RANBP2: variants seen among roughly 807,000 people sequenced by gnomAD.
RANBP2 encodes the protein E3 SUMO-protein ligase RanBP2.
Under a neutral mutation model 303.6 loss-of-function variants are expected in RANBP2, and 57 were observed. The observed-to-expected ratio is 0.19, with a 90% confidence interval of 0.15 to 0.23. The LOEUF (loss-of-function observed/expected upper bound fraction) is 0.23. RANBP2 is among the 10% of genes least tolerant of loss of function. The probability of loss-of-function intolerance (pLI) is 1.00; values close to 1 mark genes in which losing one functional copy is unlikely to be tolerated. For missense variants in RANBP2, 3,138 were observed against 3,780.8 expected, an observed-to-expected ratio of 0.83 and a Z score of 4.46; for synonymous variants, 1,167 against 1,301.5, an observed-to-expected ratio of 0.90 and a Z score of 2.23.
At chr2:109,624,863 C>G in the RANBP2 span, among the ~76,000 whole-genome samples, 1 of 151,782 alleles carries the variant, frequency 6.6e-6, no homozygotes, top group Non-Finnish European at 1.5e-5. Context: ...GGCAGATCAC[C>G]TGAGGTCAGG....
the RANBP2 span, among the ~76,000 whole-genome samples, chr2:109,240,066 T>C: frequency 6.6e-6 from 1 of 152,210 alleles, no homozygotes; most frequent in Non-Finnish European, 1.5e-5. Flanking sequence ...CTTCTCTGTT[T>C]TCTTATGTGA....
At chr2:109,467,951 C>G in the RANBP2 span, among the ~76,000 whole-genome samples, 2 of 152,232 alleles carry the variant, frequency 1.3e-5, no homozygotes, top group Admixed American at 6.5e-5. Context: ...CACCTCCATG[C>G]GGGCTGCTGG....
chr2:108,763,170 G>T, intron 19 of RANBP2, 67 bp from the exon 20 acceptor site: 3 of 1,518,614 alleles, frequency 2.0e-6, no homozygotes, highest in South Asian at 2.3e-5. Flanking sequence ...TGTGAGAATT[G>T]GTTTGCATTT....
the RANBP2 span, among the ~76,000 whole-genome samples, chr2:109,611,251 A>C: frequency 3.3e-5 from 5 of 152,238 alleles, no homozygotes; most frequent in African/African-American, 1.2e-4. Flanking sequence ...AAATAAGAGA[A>C]AATCTTTGGG....
chr2:109,466,700 A>G, the RANBP2 span, among the ~76,000 whole-genome samples: 1 of 152,138 alleles, frequency 6.6e-6, no homozygotes, highest in East Asian at 1.9e-4. Context: ...GGAGTTTCAT[A>G]GTTTTGCATT....
At chr2:109,539,891 T>C in the RANBP2 span, among the ~76,000 whole-genome samples, 1 of 152,200 alleles carries the variant, frequency 6.6e-6, no homozygotes, top group East Asian at 1.9e-4. Context: ...TTCCCTTTCA[T>C]TGTATGGATG....
chr2:109,734,379 T>G, the RANBP2 span, among the ~76,000 whole-genome samples: 3 of 151,944 alleles, frequency 2.0e-5, no homozygotes, highest in African/African-American at 7.2e-5. Flanking sequence ...AGAAATTCCA[T>G]TTACAATAGC....
chr2:108,816,500 C>T, the RANBP2 span, among the ~76,000 whole-genome samples: 3 of 152,040 alleles, frequency 2.0e-5, no homozygotes, highest in African/African-American at 4.8e-5. Flanking sequence ...TGATGAGGCC[C>T]TTCTTCCTGG....
chr2:108,905,994 C>G, the RANBP2 span, among the ~76,000 whole-genome samples: 26 of 146,128 alleles, frequency 1.8e-4, 1 homozygote, highest in East Asian at 4.8e-3. Context: ...TCTCTGGGGA[C>G]ACGGGAGGTC....
chr2:108,848,507 T>C, the RANBP2 span, among the ~76,000 whole-genome samples: 3 of 152,190 alleles, frequency 2.0e-5, no homozygotes, highest in Admixed American at 1.3e-4. Context: ...ATTGCTGAAG[T>C]TAAATGTCAG....
intron 23 of RANBP2, 60 bp downstream of exon 23, chr2:108,773,106 C>T: frequency 3.4e-6 from 5 of 1,478,596 alleles, no homozygotes; most frequent in Non-Finnish European, 4.6e-6. Context: ...ATGCAGTAAA[C>T]TTTAGAATGT....
the RANBP2 span, among the ~76,000 whole-genome samples, chr2:109,630,806 C>T: frequency 1.3e-5 from 2 of 152,190 alleles, no homozygotes; most frequent in African/African-American, 4.8e-5. Flanking sequence ...TGGCTCATGC[C>T]TGTAATCCCA....
the RANBP2 span, among the ~76,000 whole-genome samples, chr2:109,516,682 A>G: frequency 1.3e-5 from 2 of 152,192 alleles, no homozygotes; most frequent in Non-Finnish European, 2.9e-5. Context: ...CCCAGCCCCA[A>G]AGCAGGGCTG....
chr2:109,112,455 C>T, the RANBP2 span, among the ~76,000 whole-genome samples: 43 of 152,292 alleles, frequency 2.8e-4, no homozygotes, highest in Middle Eastern at 3.4e-3. Flanking sequence ...CTGTTCACAT[C>T]GTTTGCCCAC....
At chr2:109,001,975 C>A in the RANBP2 span, among the ~76,000 whole-genome samples, 1 of 152,130 alleles carries the variant, frequency 6.6e-6, no homozygotes, top group Non-Finnish European at 1.5e-5. Flanking sequence ...CATGATCCGC[C>A]CGCCTCGGCC....
chr2:108,868,906 AAAAAAATGAAATTTTTTTCT>A, the RANBP2 span, among the ~76,000 whole-genome samples: 8 of 151,854 alleles, frequency 5.3e-5, no homozygotes, highest in African/African-American at 9.7e-5. Flanking sequence ...TTTGTGAAAG[AAAAAAATGAAATTTTTTTCT>A]ATTTGATTAA....
At chr2:109,179,698 A>G in the RANBP2 span, among the ~76,000 whole-genome samples, 1 of 152,116 alleles carries the variant, frequency 6.6e-6, no homozygotes, top group Non-Finnish European at 1.5e-5. Flanking sequence ...AAGTCCCATC[A>G]TGGGGGCCCT....
chr2:108,812,874 C>A, the RANBP2 span: 1 of 1,613,340 alleles, frequency 6.2e-7, no homozygotes. Flanking sequence ...CCATGCTGTT[C>A]ATGAAATGAA....
At chr2:109,704,418 C>T in the RANBP2 span, among the ~76,000 whole-genome samples, 1 of 152,074 alleles carries the variant, frequency 6.6e-6, no homozygotes, top group Non-Finnish European at 1.5e-5. Flanking sequence ...GGTGTGGTGG[C>T]ACGCGCCTAT....
Sources: gnomAD v4.1 joint callset for allele counts (sites outside exome capture counted in the v4.1 genomes callset) on GRCh38, gnomAD v4.1.1 for gene constraint, MANE v1.5 for transcripts, NCBI Gene and HGNC (gene_info 2026-07-23, HGNC 2026-07-21) for gene names.